Variants in PTPRG observed in about 807,000 individuals in gnomAD.
PTPRG encodes receptor-type tyrosine-protein phosphatase gamma.
PTPRG carries 102 observed loss-of-function variants against 165.3 expected under a neutral mutation model. The observed-to-expected ratio is 0.62, with a 90% confidence interval of 0.53 to 0.73. PTPRG has a LOEUF of 0.73. Ranked by LOEUF, PTPRG falls within the 30% of genes least tolerant of loss-of-function variation. PTPRG has a pLI of 0.00. For missense variants in PTPRG, 1,866 were observed against 1,861.4 expected (o/e 1.00, Z -0.05); for synonymous variants, 675 against 669.5 (o/e 1.01, Z -0.13).
intron 2 of PTPRG, among the ~76,000 whole-genome samples, chr3:61,765,103 C>A (rs115585469): frequency 1.4e-4 from 21 of 152,294 alleles, no homozygotes; most frequent in Non-Finnish European, 2.4e-4. Flanking sequence ...TCTAGCCAGT[C>A]CTTAATTGAA....
intron 1 of PTPRG, among the ~76,000 whole-genome samples, chr3:61,564,834 T>C (rs1208390763): frequency 3.9e-5 from 6 of 152,270 alleles, no homozygotes; most frequent in Admixed American, 3.9e-4. Flanking sequence ...GCTCTGGGGC[T>C]GCAGACGCGC....
At position 61,969,819 on chromosome 3, in the gene PTPRG, G is replaced by A. The variant is rs754278382; in HGVS notation, c.191-19806G>A. ...CATGATAGGGGAGGAGGGATACAGC[G>A]ATAATGATTTTCCCCTTGGAAAGCT... is the stretch of plus-strand genomic sequence containing the variant. On this transcript the variant is annotated intron_variant, in intron 2 of 29. Coordinates refer to ENST00000474889, the MANE Select transcript of PTPRG (RefSeq NM_002841.4). Among the ~76,000 whole-genome samples, 184 of 152,228 alleles carry A rather than the reference G, an allele frequency of 1.2e-3. 1 individual carries two copies. The highest frequency in any genetic ancestry group is 2.0e-3 in the Non-Finnish European group (139 of 68,026).
intron 14 of PTPRG, among the ~76,000 whole-genome samples, chr3:62,232,216 T>C (rs1700919427): frequency 6.6e-6 from 1 of 152,184 alleles, no homozygotes; most frequent in Non-Finnish European, 1.5e-5. Context: ...GATAAACCTA[T>C]GAAATCTGAG....
At chr3:62,169,943 G>C (rs147897695) in intron 8 of PTPRG, among the ~76,000 whole-genome samples, 41 of 152,278 alleles carry the variant, frequency 2.7e-4, no homozygotes, top group African/African-American at 9.9e-4. Flanking sequence ...TTGATGATAT[G>C]AAAGAGCCCA....
chr3:62,077,396 C>G (rs1701423719), intron 4 of PTPRG, among the ~76,000 whole-genome samples: 1 of 152,140 alleles, frequency 6.6e-6, no homozygotes, highest in African/African-American at 2.4e-5. Flanking sequence ...AAATTATCGT[C>G]AAATTTCTGA....
chr3:61,608,632 A>G (rs1379253500), intron 1 of PTPRG, among the ~76,000 whole-genome samples: 1 of 152,214 alleles, frequency 6.6e-6, no homozygotes, highest in Non-Finnish European at 1.5e-5. Flanking sequence ...CTGCTCAATC[A>G]GCTGGCTCTG....
chr3:62,262,571 A>C (rs1027650406), intron 16 of PTPRG: 1 of 393,586 alleles, frequency 2.5e-6, no homozygotes, highest in Non-Finnish European at 4.5e-6. Flanking sequence ...GTCAAAAACT[A>C]GAAAAAAGTA....
intron 2 of PTPRG, among the ~76,000 whole-genome samples, chr3:61,956,311 C>T: frequency 6.7e-6 from 1 of 150,244 alleles, no homozygotes; most frequent in African/African-American, 2.5e-5. Context: ...CACACACACG[C>T]TTACTACATA....
At chr3:61,887,234 A>G (rs986418377) in intron 2 of PTPRG, among the ~76,000 whole-genome samples, 1 of 145,816 alleles carries the variant, frequency 6.9e-6, no homozygotes, top group Admixed American at 7.0e-5. Flanking sequence ...CTTGGTGAGG[A>G]GAGAAGGAAA....
At chr3:61,588,451 A>G (rs1361105007) in intron 1 of PTPRG, among the ~76,000 whole-genome samples, 2 of 147,594 alleles carry the variant, frequency 1.4e-5, no homozygotes, top group African/African-American at 5.3e-5. Flanking sequence ...GGCTCACTGC[A>G]ACCTCCACCT....
chr3:61,981,362 T>C (rs7647959), intron 2 of PTPRG, among the ~76,000 whole-genome samples: 12,312 of 152,314 alleles, frequency 0.081, 641 homozygotes, highest in Middle Eastern at 0.13. Flanking sequence ...TTCCAGGCGC[T>C]AACTGGCGTA....
chr3:61,576,984 T>G (rs1226381179), intron 1 of PTPRG, among the ~76,000 whole-genome samples: 2 of 152,228 alleles, frequency 1.3e-5, no homozygotes, highest in Non-Finnish European at 2.9e-5. Context: ...TTCTGAATTC[T>G]TAGCTATTTA....
intron 5 of PTPRG, among the ~76,000 whole-genome samples, chr3:62,106,605 C>G (rs1340544188): frequency 6.6e-6 from 1 of 151,420 alleles, no homozygotes; most frequent in African/African-American, 2.4e-5. Flanking sequence ...CAGGTTCTAG[C>G]AGTCCTCCCA....
intron 5 of PTPRG, among the ~76,000 whole-genome samples, chr3:62,123,529 C>G (rs1165495354): frequency 6.6e-6 from 1 of 152,106 alleles, no homozygotes; most frequent in Non-Finnish European, 1.5e-5. Flanking sequence ...AATCAAAGCA[C>G]TGGTCCTCTG....
chr3:61,825,826 T>TGTA (rs2036091865), intron 2 of PTPRG, among the ~76,000 whole-genome samples: 1 of 151,924 alleles, frequency 6.6e-6, no homozygotes, highest in African/African-American at 2.4e-5. Context: ...TTGTTGTTGT[T>TGTA]GTTTGGTAGA....
At chr3:61,696,650 G>T (rs752400019) in intron 1 of PTPRG, among the ~76,000 whole-genome samples, 26 of 152,340 alleles carry the variant, frequency 1.7e-4, no homozygotes, top group Non-Finnish European at 2.6e-4. Context: ...ACTTCAGTGG[G>T]TAGGTGCATG....
At position 61,809,541 on chromosome 3, in the gene PTPRG, A is replaced by G. The variant is rs567064855; in HGVS notation, c.190+60559A>G. 5.9e-5 allele frequency among the ~76,000 whole-genome samples: 9 copies of G among 152,208 alleles called. No individual in the cohort carries two copies. In the East Asian group the frequency reaches 1.5e-3, roughly 26 times the overall value. The stretch of plus-strand genomic sequence containing the variant: ...AAAACATGAGGCTTTATGGAGAGAA[A>G]CTTACATTTGAGTTCTGATCCTGTT... On this transcript the variant is annotated intron_variant, in intron 2 of 29. Coordinates refer to ENST00000474889, the MANE Select transcript of PTPRG (RefSeq NM_002841.4).
Position 62,124,219 on chromosome 3 carries a change from T to G in PTPRG, c.616-8383T>G, listed in dbSNP as rs878861644. ...TCATGATTATTCAGCCACACAGTGC[T>G]TTCCTGTCATTTGACATTAACTCCG... On this transcript the variant is annotated intron_variant, in intron 5 of 29. Transcript: ENST00000474889. 53 of 1,029,134 alleles carry G rather than the reference T, an allele frequency of 5.1e-5. No homozygotes were observed. In the South Asian group the frequency reaches 5.7e-4, roughly 11 times the overall value. 63.8% of individuals were successfully genotyped at this position (1,029,134 alleles called of 1,614,324 possible). A position where few individuals can be genotyped will look rare whatever the true frequency, so the allele number is the denominator to read the frequency against.
intron 2 of PTPRG, among the ~76,000 whole-genome samples, chr3:61,913,436 G>C (rs1221616682): frequency 6.6e-6 from 1 of 152,124 alleles, no homozygotes; most frequent in Admixed American, 6.5e-5. Flanking sequence ...AGCCAGGATG[G>C]TTTCAATCTC....
Sources: gnomAD v4.1 joint callset for allele counts (sites outside exome capture counted in the v4.1 genomes callset) on GRCh38, gnomAD v4.1.1 for gene constraint, MANE v1.5 for transcripts, NCBI Gene and HGNC (gene_info 2026-07-23, HGNC 2026-07-21) for gene names.